The following SH2D3C variants were observed in gnomAD, a reference collection of about 807,000 sequenced individuals.
The protein encoded by SH2D3C is SH2 domain-containing protein 3C.
In SH2D3C, 25 loss-of-function variants were observed where a neutral mutation model predicts 75.2. That is an observed-to-expected ratio of 0.33 (90% confidence interval 0.24 to 0.46). The LOEUF is 0.46. Ranked by LOEUF, SH2D3C falls within the 20% of genes least tolerant of loss-of-function variation. SH2D3C has a pLI of 1.00. For synonymous variants in SH2D3C, 450 were observed against 473.7 expected (o/e 0.95, Z 0.65); for missense variants, 933 against 1,165.3 (o/e 0.80, Z 2.90).
At chr9:127,777,778 G>A (rs1253649385) in intron 1 of SH2D3C, among the ~76,000 whole-genome samples, 1 of 152,112 alleles carries the variant, frequency 6.6e-6, no homozygotes, top group African/African-American at 2.4e-5. Flanking sequence ...GAGAGACAGA[G>A]ATGCTGGGCC....
In SH2D3C at chr9:127,744,863, G is replaced by A; in HGVS notation, c.1501C>T (p.Pro501Ser). Reference protein sequence around the residue: ...DSGHYCQLQPPVRGSREWAAT... With the variant: ...DSGHYCQLQPSVRGSREWAAT... ...GCCCACTCTCGGCTGCCACGCACGG[G>A]AGGCTGGAGCTGGCAGTAGTGGCCA... Residue 501 changes from proline to serine, a missense_variant, in exon 7 of 12, where the codon CCC becomes TCC. Pro to Ser is a moderately conservative substitution (Grantham distance 74). Coordinates refer to ENST00000314830, the MANE Select transcript of SH2D3C (RefSeq NM_170600.3). The A allele has an allele frequency of 1.9e-6, 3 of 1,614,084 alleles. 1 individual carries two copies. The highest frequency in any genetic ancestry group is 3.3e-4 in the Middle Eastern group (2 of 6,062).
chr9:127,756,883 C>T (rs190670677), intron 3 of SH2D3C, among the ~76,000 whole-genome samples: 162 of 152,046 alleles, frequency 1.1e-3, no homozygotes, highest in African/African-American at 3.4e-3. Context: ...CCGCCCACCT[C>T]GGCCTCCCAA....
chr9:127,754,219 G>A lies in SH2D3C; in HGVS notation c.556-2919C>T, dbSNP rs1402465007. ...CTGCGCGCGCCTGATTGGCCGGTGCGGGGATGCTGCGCTCCGCCGCCGGCG... is the reference window on the plus strand; with the variant it reads ...CTGCGCGCGCCTGATTGGCCGGTGCAGGGATGCTGCGCTCCGCCGCCGGCG... On this transcript the variant is annotated intron_variant, in intron 3 of 11. Coordinates refer to ENST00000314830, the MANE Select transcript of SH2D3C (RefSeq NM_170600.3). The surrounding 1 kb of genome is among the most constrained non-coding windows in gnomAD (Gnocchi z 4.4). 6.6e-6 allele frequency among the ~76,000 whole-genome samples: 1 copy of A among 152,158 alleles called. No homozygotes were observed. Among genetic ancestry groups the A allele is most frequent in the Non-Finnish European group, 1.5e-5 (1 of 67,998 alleles).
Position 127,754,931 on chromosome 9 carries a change from C to T in SH2D3C, c.556-3631G>A. The T allele has an allele frequency of 1.9e-6, 1 of 512,974 alleles. No individual in the cohort carries two copies. Among genetic ancestry groups the T allele is most frequent in the South Asian group, 1.6e-5 (1 of 62,332 alleles). 31.8% of individuals were successfully genotyped at this position (512,974 alleles called of 1,614,324 possible). A position where few individuals can be genotyped will look rare whatever the true frequency, so the allele number is the denominator to read the frequency against. Reference sequence around the variant, plus strand: ...CAGAGGTGAGGCTGGGGTGACCCCGCCCCCTCCCCGGGTCGGCCGGGCCCA... The same window carrying T: ...CAGAGGTGAGGCTGGGGTGACCCCGTCCCCTCCCCGGGTCGGCCGGGCCCA... On this transcript the variant is annotated intron_variant, in intron 3 of 11. Transcript: ENST00000314830. The surrounding 1 kb of genome is among the most constrained non-coding windows in gnomAD (Gnocchi z 4.4).
In SH2D3C at chr9:127,749,182, C is replaced by A; in HGVS notation, c.1139+29G>T. ...CACTAGCCCTCTCATTACCCACAACCCCATTTGACAAATGGGGCCCTGGCT... is the reference window on the plus strand; with the variant it reads ...CACTAGCCCTCTCATTACCCACAACACCATTTGACAAATGGGGCCCTGGCT... On this transcript the variant is annotated intron_variant, in intron 5 of 11. Transcript: ENST00000314830. This position sits in a 1 kb window ranked among gnomAD's most constrained non-coding sequence, Gnocchi z 5.9. The A allele has an allele frequency of 1.3e-6, 2 of 1,495,542 alleles. No homozygotes were observed. Among genetic ancestry groups the A allele is most frequent in the South Asian group, 2.5e-5 (2 of 78,804 alleles). The allele number at this position is 1,495,542 out of a possible 1,614,324, so 92.6% of individuals were successfully genotyped here.
At chr9:127,761,316 A>G (rs974784014) in intron 3 of SH2D3C, among the ~76,000 whole-genome samples, 1 of 152,188 alleles carries the variant, frequency 6.6e-6, no homozygotes. Flanking sequence ...CATCCTTTAC[A>G]TGGAGACACT....
intron 2 of SH2D3C, among the ~76,000 whole-genome samples, chr9:127,762,874 CT>C (rs1429558467): frequency 6.6e-6 from 1 of 152,228 alleles, no homozygotes; most frequent in Non-Finnish European, 1.5e-5. Context: ...CAAACCAGAA[CT>C]TTTCTTCCTT....
At chr9:127,766,202 G>A (rs917897400) in intron 2 of SH2D3C, among the ~76,000 whole-genome samples, 18 of 152,290 alleles carry the variant, frequency 1.2e-4, no homozygotes, top group African/African-American at 4.3e-4. Context: ...TAGTGACCTG[G>A]TCCTCTGCAT....
chr9:127,743,488 G>C (rs1197105297), intron 7 of SH2D3C, among the ~76,000 whole-genome samples: 2 of 152,166 alleles, frequency 1.3e-5, no homozygotes, highest in African/African-American at 2.4e-5. Flanking sequence ...CGGTGACAGA[G>C]TGAGACTCCA....
Position 127,778,663 on chromosome 9 carries a change from G to A in SH2D3C, c.-36C>T, listed in dbSNP as rs201525406. On this transcript the variant is annotated 5_prime_UTR_variant, in exon 1 of 12. Coordinates refer to ENST00000314830, the MANE Select transcript of SH2D3C (RefSeq NM_170600.3). ...TGTGTGAAGCCCTTGGCCAGCTTGC[G>A]AGTGGCCACTCAAGGCTCGGGACAT... 126 of 1,592,716 alleles carry A rather than the reference G, an allele frequency of 7.9e-5. 1 individual carries two copies. The African/African-American group carries it at 1.3e-3, about 16-fold the overall frequency.
At chr9:127,777,934 G>C (rs2131816519) in intron 1 of SH2D3C, among the ~76,000 whole-genome samples, 1 of 150,288 alleles carries the variant, frequency 6.7e-6, no homozygotes, top group African/African-American at 2.5e-5. Flanking sequence ...GCAACAAAGT[G>C]AGAACCCACC....
Position 127,738,340 on chromosome 9 carries a change from T to C in SH2D3C, c.*406A>G, listed in dbSNP as rs1419787125. ...AATAAAGAGTCATAAAAGTTTATTA[T>C]ATGAAAGAAATAACATGGCTTCTGT... On this transcript the variant is annotated 3_prime_UTR_variant, in exon 12 of 12. Transcript: ENST00000314830. This position sits in a 1 kb window ranked among gnomAD's most constrained non-coding sequence, Gnocchi z 5.0. 6.4e-6 allele frequency: 1 copy of C among 156,882 alleles called. No homozygotes were observed. 9.7% of individuals were successfully genotyped at this position (156,882 alleles called of 1,614,324 possible).
Position 127,754,724 on chromosome 9 carries a change from C to A in SH2D3C, c.556-3424G>T. The A allele has an allele frequency of 2.4e-6, 1 of 423,184 alleles. No homozygotes were observed. The highest frequency in any genetic ancestry group is 5.0e-6 in the Non-Finnish European group (1 of 198,462). The allele number at this position is 423,184 out of a possible 1,614,324, so 26.2% of individuals were successfully genotyped here. On this transcript the variant is annotated intron_variant, in intron 3 of 11. Transcript: ENST00000314830. This position sits in a 1 kb window ranked among gnomAD's most constrained non-coding sequence, Gnocchi z 4.4. ...CAATGGGGAGCCAGGGTGCCCAGGT[C>A]AGCCGCAAGGGCCAGCGTACCAGGC... is the stretch of plus-strand genomic sequence containing the variant.
chr9:127,764,685 C>T lies in SH2D3C; in HGVS notation c.516-3035G>A, dbSNP rs1845599927. Among the ~76,000 whole-genome samples the T allele has an allele frequency of 2.0e-5, 3 of 152,164 alleles. No homozygotes were observed. The South Asian group carries it at 6.2e-4, about 32-fold the overall frequency. The stretch of plus-strand genomic sequence containing the variant: ...CCGGCAGATATCCCCCGGGTTCCCT[C>T]CCTCCTGCTCTTTGTTGTTGTTGTT... On this transcript the variant is annotated intron_variant, in intron 2 of 11. Transcript: ENST00000314830.
chr9:127,771,157 C>A, intron 2 of SH2D3C: 1 of 1,504,276 alleles, frequency 6.6e-7, no homozygotes, highest in Non-Finnish European at 8.9e-7. Context: ...TCCCCGCTGG[C>A]CCTCCCCAGG....
Position 127,754,129 on chromosome 9 carries a change from C to CCCT in SH2D3C, c.556-2830_556-2829insAGG, listed in dbSNP as rs1845282735. On this transcript the variant is annotated intron_variant, in intron 3 of 11. Coordinates refer to ENST00000314830, the MANE Select transcript of SH2D3C (RefSeq NM_170600.3). This position sits in a 1 kb window ranked among gnomAD's most constrained non-coding sequence, Gnocchi z 4.4. ...CCCTAGAGTTGGGGGTGCTGGGGTG[C>CCCT]GAATGCAGCATCCCTGCGCTCGGCG... Among the ~76,000 whole-genome samples, 1 of 152,198 alleles carries CCCT rather than the reference C, an allele frequency of 6.6e-6. No homozygotes were observed. The highest frequency in any genetic ancestry group is 1.5e-5 in the Non-Finnish European group (1 of 68,012).
In SH2D3C at chr9:127,747,384, A is replaced by G. The variant is rs569851187; in HGVS notation, c.1140-113T>C. 1.7e-5 allele frequency: 18 copies of G among 1,043,348 alleles called. No homozygotes were observed. In the East Asian group the frequency reaches 4.8e-4, roughly 28 times the overall value. 64.6% of individuals were successfully genotyped at this position (1,043,348 alleles called of 1,614,324 possible). On this transcript the variant is annotated intron_variant, in intron 5 of 11. Coordinates refer to ENST00000314830, the MANE Select transcript of SH2D3C (RefSeq NM_170600.3). Reference sequence around the variant, plus strand: ...CTTCAGAGGCAGAGAAGGCTTGGAGATTATCAAATCCAACCTCCCGACTGA... The same window carrying G: ...CTTCAGAGGCAGAGAAGGCTTGGAGGTTATCAAATCCAACCTCCCGACTGA...
At chr9:127,741,767 G>C in intron 9 of SH2D3C, 21 bp downstream of exon 9, 1 of 1,610,618 alleles carries the variant, frequency 6.2e-7, no homozygotes, top group Non-Finnish European at 8.5e-7. Flanking sequence ...CCGGGTGCCA[G>C]CTCTGCGCGG....
At chr9:127,773,697 C>T (rs529139706) in intron 2 of SH2D3C, among the ~76,000 whole-genome samples, 1 of 152,116 alleles carries the variant, frequency 6.6e-6, no homozygotes, top group East Asian at 1.9e-4. Context: ...GCAGGCAGAT[C>T]ACCTGAGGTC....
Sources: gnomAD v4.1 joint callset for allele counts (sites outside exome capture counted in the v4.1 genomes callset) on GRCh38, gnomAD v4.1.1 for gene constraint, Gnocchi (gnomAD v3.1) non-coding constraint, MANE v1.5 for transcripts, NCBI Gene and HGNC (gene_info 2026-07-23, HGNC 2026-07-21) for gene names.